NEBL: variants seen among roughly 807,000 people sequenced by gnomAD.
The protein encoded by NEBL is LIM and SH3 protein 2.
In NEBL, 122 loss-of-function variants were observed where a neutral mutation model predicts 140.2. The ratio of observed to expected loss-of-function variants is 0.87; its 90% confidence interval spans 0.75 to 1.01. The LOEUF is 1.01. Ranked by LOEUF, NEBL falls within the 50% of genes least tolerant of loss-of-function variation. The probability of loss-of-function intolerance (pLI) is 0.00; values close to 1 mark genes in which losing one functional copy is unlikely to be tolerated. For synonymous variants in NEBL, 436 were observed against 398.9 expected, an observed-to-expected ratio of 1.09 and a Z score of -1.11; for missense variants, 1,365 against 1,231.3, an observed-to-expected ratio of 1.11 and a Z score of -1.62.
At chr10:21,105,212 C>T (rs1463407088) in intron 2 of NEBL, among the ~76,000 whole-genome samples, 5 of 151,776 alleles carry the variant, frequency 3.3e-5, no homozygotes, top group Admixed American at 6.6e-5. Context: ...ATTTTAAGTT[C>T]GGGGATACAT....
intron 24 of NEBL, 24 bp downstream of exon 24, chr10:20,812,745 G>A (rs751616410): frequency 1.4e-5 from 22 of 1,613,100 alleles, no homozygotes; most frequent in Middle Eastern, 1.7e-4. Context: ...CACACACACC[G>A]GCCGACAAAC....
At chr10:21,243,857 C>A (rs188167898) in intron 3 of NEBL, among the ~76,000 whole-genome samples, 2 of 148,728 alleles carry the variant, frequency 1.3e-5, no homozygotes, top group African/African-American at 5.0e-5. Flanking sequence ...ATTCCCAGGT[C>A]CAAATACACT....
chr10:20,850,415 C>T lies in NEBL; in HGVS notation c.1096G>A (p.Ala366Thr). 2 of 1,608,126 alleles carry T rather than the reference C, an allele frequency of 1.2e-6. No individual in the cohort carries two copies. The highest frequency in any genetic ancestry group is 1.7e-6 in the Non-Finnish European group (2 of 1,174,622). The change falls in exon 11 of 28, where the codon GCT (alanine) becomes ACT (threonine). Residue 366 changes from alanine (A) to threonine (T), a missense_variant. By Grantham distance (58) the Ala-to-Thr change is moderately conservative (BLOSUM62 0). Around this residue, in one of 2 missense-constraint regions of NEBL, gnomAD observed 1,323 missense variants for 1,154.8 expected, o/e 1.15. Transcript: ENST00000377122. ...ETPSYQASKE[A>T]QKMQSEKVYK... ...CCTACTTCACTTTGCATCTTTTGAG[C>T]CTCCTTTGAAGCTTGATATGATGGT...
chr10:21,207,639 C>G (rs975679604), intron 3 of NEBL, among the ~76,000 whole-genome samples: 1 of 152,044 alleles, frequency 6.6e-6, no homozygotes, highest in African/African-American at 2.4e-5. Flanking sequence ...CCAATGGGAG[C>G]CCCTGCAGGA....
intron 2 of NEBL, among the ~76,000 whole-genome samples, chr10:21,101,803 T>C (rs1837492630): frequency 6.6e-6 from 1 of 152,192 alleles, no homozygotes; most frequent in South Asian, 2.1e-4. Flanking sequence ...GTGGAAACTG[T>C]AATAAGATCT....
chr10:20,850,278 C>T, intron 11 of NEBL, 117 bp downstream of exon 11: 3 of 845,584 alleles, frequency 3.5e-6, no homozygotes, highest in Non-Finnish European at 2.0e-6. Context: ...AAAGCAGGTC[C>T]TTGAATCTGC....
intron 5 of NEBL, among the ~76,000 whole-genome samples, chr10:20,871,078 G>A (rs1223066622): frequency 6.6e-6 from 1 of 152,192 alleles, no homozygotes; most frequent in African/African-American, 2.4e-5. Context: ...AAGTCATAAT[G>A]CAAAGTGTAC....
intron 4 of NEBL, 106 bp from the exon 5 acceptor site, chr10:20,881,010 T>G: frequency 3.7e-6 from 3 of 813,538 alleles, no homozygotes; most frequent in Non-Finnish European, 6.3e-6. Flanking sequence ...CCACCACTGA[T>G]AGTTAATTTG....
At chr10:21,191,381 A>G (rs1470770620) in intron 3 of NEBL, among the ~76,000 whole-genome samples, 1 of 152,242 alleles carries the variant, frequency 6.6e-6, no homozygotes, top group Non-Finnish European at 1.5e-5. Flanking sequence ...CATAACTAGT[A>G]AGGCAAGAAT....
chr10:20,880,804 T>A lies in NEBL; in HGVS notation c.470A>T (p.His157Leu), dbSNP rs765163262. 2.7e-5 allele frequency: 43 copies of A among 1,610,238 alleles called. No individual in the cohort carries two copies. Among genetic ancestry groups the A allele is most frequent in the Non-Finnish European group, 3.7e-5 (43 of 1,176,456 alleles). ...EVKHAMEVNK[H>L]QSNISYRKDV... ...AATGCGCTTCCTTACATTACTCTGG[T>A]GTTTATTGACCTCCATGGCATGTTT... is the stretch of plus-strand genomic sequence containing the variant. The change falls in exon 5 of 28, where the codon CAC becomes CTC. Residue 157 changes from histidine (H) to leucine (L), a missense_variant. Physicochemically the swap from His to Leu is moderately conservative, Grantham distance 99 (BLOSUM62 -3). Transcript: ENST00000377122.
chr10:21,114,745 T>C (rs1196653572), intron 2 of NEBL, among the ~76,000 whole-genome samples: 1 of 152,042 alleles, frequency 6.6e-6, no homozygotes, highest in Non-Finnish European at 1.5e-5. Flanking sequence ...GCATGCTGTA[T>C]CTTTTTCCGT....
chr10:21,278,728 C>T (rs1024621474), intron 1 of NEBL, among the ~76,000 whole-genome samples: 3 of 152,204 alleles, frequency 2.0e-5, no homozygotes, highest in Non-Finnish European at 2.9e-5. Flanking sequence ...ATTGAGAGTA[C>T]AACCCCTTCC....
chr10:20,990,437 C>T (rs535877848), intron 3 of NEBL, among the ~76,000 whole-genome samples: 2 of 152,288 alleles, frequency 1.3e-5, no homozygotes, highest in East Asian at 1.9e-4. Flanking sequence ...AACCACAGCA[C>T]TAGCTCTCTC....
At chr10:20,995,136 G>A (rs555503291) in intron 3 of NEBL, among the ~76,000 whole-genome samples, 2 of 152,292 alleles carry the variant, frequency 1.3e-5, no homozygotes, top group African/African-American at 4.8e-5. Context: ...TGAACGTCAG[G>A]ACAGGGAAAA....
intron 26 of NEBL, among the ~76,000 whole-genome samples, chr10:20,789,027 C>T (rs147530694): frequency 6.6e-6 from 1 of 152,278 alleles, no homozygotes; most frequent in East Asian, 1.9e-4. Flanking sequence ...CCACTATGTT[C>T]AAGGCATGCC....
At chr10:21,067,404 G>A (rs1000866632) in intron 2 of NEBL, among the ~76,000 whole-genome samples, 1 of 152,028 alleles carries the variant, frequency 6.6e-6, no homozygotes, top group Non-Finnish European at 1.5e-5. Flanking sequence ...CTTTTAAAAA[G>A]GAATTACATG....
chr10:20,846,661 AT>A (rs1841976562), intron 11 of NEBL, among the ~76,000 whole-genome samples: 1 of 152,196 alleles, frequency 6.6e-6, no homozygotes, highest in Non-Finnish European at 1.5e-5. Context: ...ACAAGGCTGA[AT>A]CTAGGGCATC....
chr10:21,184,118 T>A (rs1429142022), intron 3 of NEBL, among the ~76,000 whole-genome samples: 1 of 152,202 alleles, frequency 6.6e-6, no homozygotes, highest in Non-Finnish European at 1.5e-5. Context: ...CAGGCCAAGC[T>A]TTTAATGAGT....
Position 20,961,641 on chromosome 10 carries a change from C to T in NEBL, c.357+31G>A, listed in dbSNP as rs771008640. On this transcript the variant is annotated intron_variant, in intron 4 of 6. Coordinates refer to the NEBL transcript ENST00000417816. ...TCTCATCCAGAAATGCACATCAGAGCCATCATGCTATTGAATAAACAGGCA... is the reference window on the plus strand; with the variant it reads ...TCTCATCCAGAAATGCACATCAGAGTCATCATGCTATTGAATAAACAGGCA... The T allele has an allele frequency of 4.2e-6, 6 of 1,434,456 alleles. No homozygotes were observed. In the Admixed American group the frequency reaches 8.4e-5, roughly 20 times the overall value. The allele number at this position is 1,434,456 out of a possible 1,614,324, so 88.9% of individuals were successfully genotyped here. A position where few individuals can be genotyped will look rare whatever the true frequency, so the allele number is the denominator to read the frequency against.
Sources: gnomAD v4.1 joint callset for allele counts (sites outside exome capture counted in the v4.1 genomes callset) on GRCh38, gnomAD v4.1.1 for gene constraint, gnomAD v4.1.1 regional missense constraint, MANE v1.5 for transcripts, NCBI Gene and HGNC (gene_info 2026-07-23, HGNC 2026-07-21) for gene names.